NELL1: variants seen among roughly 807,000 people sequenced by gnomAD.
The protein encoded by NELL1 is neural EGFL like 1.
Under a neutral mutation model 107.4 loss-of-function variants are expected in NELL1, and 76 were observed. That is an observed-to-expected ratio of 0.71 (90% CI 0.59 to 0.86). NELL1 has a LOEUF of 0.86. Ranked by LOEUF, NELL1 falls within the 40% of genes least tolerant of loss-of-function variation. The pLI, the probability that NELL1 is intolerant of heterozygous loss-of-function variation, is 0.00. For missense variants in NELL1, 1,024 were observed against 1,005.5 expected, an observed-to-expected ratio of 1.02 and a Z score of -0.25; for synonymous variants, 353 against 341.2, an observed-to-expected ratio of 1.03 and a Z score of -0.38.
chr11:20,680,002 T>C (rs1457837434), intron 2 of NELL1, among the ~76,000 whole-genome samples: 1 of 152,206 alleles, frequency 6.6e-6, no homozygotes, highest in Non-Finnish European at 1.5e-5. Context: ...CTGTGTTGTC[T>C]GCCCGGCTAC....
At chr11:21,336,972 A>G (rs904066418) in intron 14 of NELL1, among the ~76,000 whole-genome samples, 3 of 152,054 alleles carry the variant, frequency 2.0e-5, no homozygotes, top group African/African-American at 7.2e-5. Context: ...ATCTCAGCAA[A>G]TATTATGCTC....
chr11:21,266,297 T>C (rs964069580), intron 14 of NELL1, among the ~76,000 whole-genome samples: 3 of 152,086 alleles, frequency 2.0e-5, no homozygotes, highest in Admixed American at 6.6e-5. Context: ...ACTTGTGTGT[T>C]GCTTGTCTGT....
At chr11:20,699,048 C>G (rs976031150) in intron 2 of NELL1, among the ~76,000 whole-genome samples, 2 of 152,024 alleles carry the variant, frequency 1.3e-5, no homozygotes, top group Admixed American at 1.3e-4. Flanking sequence ...GAAACCCTGT[C>G]TCTACTAAAA....
chr11:21,418,588 C>G (rs1299866354), intron 15 of NELL1, among the ~76,000 whole-genome samples: 3 of 152,100 alleles, frequency 2.0e-5, no homozygotes, highest in African/African-American at 7.2e-5. Context: ...GTTTTGCCTT[C>G]TCTTTTTTAT....
intron 15 of NELL1, among the ~76,000 whole-genome samples, chr11:21,401,863 G>A (rs1295715587): frequency 6.6e-6 from 1 of 151,734 alleles, no homozygotes; most frequent in African/African-American, 2.4e-5. Flanking sequence ...GGTATGAAAT[G>A]AGATAATAAC....
intron 13 of NELL1, among the ~76,000 whole-genome samples, chr11:21,162,273 A>C (rs1856389950): frequency 6.6e-6 from 1 of 152,122 alleles, no homozygotes; most frequent in Non-Finnish European, 1.5e-5. Context: ...TTATGTTGAC[A>C]TTTAACTCAG....
intron 13 of NELL1, among the ~76,000 whole-genome samples, chr11:21,188,989 T>C (rs1295421675): frequency 6.6e-6 from 1 of 151,912 alleles, no homozygotes; most frequent in Non-Finnish European, 1.5e-5. Flanking sequence ...GCATGTTTTA[T>C]GCTGCTACTC....
At chr11:21,363,283 T>C (rs1590870287) in intron 14 of NELL1, among the ~76,000 whole-genome samples, 1 of 152,204 alleles carries the variant, frequency 6.6e-6, no homozygotes. Context: ...TTCAAGGTAC[T>C]TCCTGTGCTA....
At chr11:21,330,159 A>G (rs1850239123) in intron 14 of NELL1, among the ~76,000 whole-genome samples, 1 of 152,098 alleles carries the variant, frequency 6.6e-6, no homozygotes, top group Admixed American at 6.6e-5. Flanking sequence ...AAATATTTAC[A>G]TATGTTGTTA....
At chr11:20,913,288 C>G (rs201961783) in intron 5 of NELL1, among the ~76,000 whole-genome samples, 1 of 151,816 alleles carries the variant, frequency 6.6e-6, no homozygotes, top group Admixed American at 6.6e-5. Flanking sequence ...TTTTAGCATA[C>G]AAAAAAATAG....
In NELL1 at chr11:21,484,172, T is replaced by A. The variant is rs186299066; in HGVS notation, c.1646-50202T>A. Among the ~76,000 whole-genome samples, 13 of 151,158 alleles carry A rather than the reference T, an allele frequency of 8.6e-5. No homozygotes were observed. In the East Asian group the frequency reaches 2.1e-3, roughly 25 times the overall value. ...ATAAATTTCCAAACTTTCCATAGTT[T>A]TTGTTTTATAATGAAATGTCCCTAT... On this transcript the variant is annotated intron_variant, in intron 15 of 19. Transcript: ENST00000357134.
chr11:21,177,169 A>G (rs368487269), intron 13 of NELL1, among the ~76,000 whole-genome samples: 1 of 151,826 alleles, frequency 6.6e-6, no homozygotes, highest in African/African-American at 2.4e-5. Context: ...TATGAACTAT[A>G]GTCGCCATGC....
chr11:20,917,874 T>C (rs189751497), intron 5 of NELL1, among the ~76,000 whole-genome samples: 71 of 152,154 alleles, frequency 4.7e-4, no homozygotes, highest in Non-Finnish European at 6.5e-4. Context: ...TATTCCAGGA[T>C]GATTAGGGCA....
chr11:21,560,464 TC>T, intron 17 of NELL1, 82 bp downstream of exon 17: 1 of 1,259,088 alleles, frequency 7.9e-7, no homozygotes, highest in Non-Finnish European at 1.1e-6. Context: ...GCTCTCTCCC[TC>T]TTGCTGTTGA....
At chr11:21,382,179 C>G (rs554883720) in intron 15 of NELL1, among the ~76,000 whole-genome samples, 1 of 151,808 alleles carries the variant, frequency 6.6e-6, no homozygotes, top group Non-Finnish European at 1.5e-5. Context: ...TCCGATTCCA[C>G]TACTCATCAG....
At chr11:20,702,486 C>T (rs1385769018) in intron 2 of NELL1, among the ~76,000 whole-genome samples, 1 of 152,002 alleles carries the variant, frequency 6.6e-6, no homozygotes, top group African/African-American at 2.4e-5. Flanking sequence ...CTTTTCCTAA[C>T]TGAATACCCT....
At chr11:21,031,299 CT>C (rs1314284886) in intron 12 of NELL1, among the ~76,000 whole-genome samples, 1 of 152,192 alleles carries the variant, frequency 6.6e-6, no homozygotes, top group African/African-American at 2.4e-5. Flanking sequence ...AAATCCCTGA[CT>C]GTTCCCTTTG....
chr11:21,052,992 A>G (rs1270844489), intron 12 of NELL1, among the ~76,000 whole-genome samples: 2 of 151,770 alleles, frequency 1.3e-5, no homozygotes, highest in African/African-American at 4.9e-5. Flanking sequence ...AGGGAGATAG[A>G]CACTCTGTGT....
chr11:20,971,937 A>C (rs1190711767), intron 12 of NELL1, among the ~76,000 whole-genome samples: 1 of 150,946 alleles, frequency 6.6e-6, no homozygotes, highest in African/African-American at 2.4e-5. Context: ...AGAAAACCAA[A>C]CACCGCATGT....
Sources: allele counts gnomAD v4.1 joint callset (sites outside exome capture counted in the v4.1 genomes callset), GRCh38; gene constraint gnomAD v4.1.1; transcripts MANE v1.5; gene names NCBI Gene and HGNC (gene_info 2026-07-23, HGNC 2026-07-21).